ZFP64: variants seen among roughly 807,000 people sequenced by gnomAD.
The protein encoded by ZFP64 is zinc finger protein 64.
Under a neutral mutation model 51.6 loss-of-function variants are expected in ZFP64, and 14 were observed. That is an observed-to-expected ratio of 0.27 (90% CI 0.18 to 0.42). The LOEUF is 0.42. ZFP64 is among the 10% of genes least tolerant of loss of function. The pLI is 1.00. For synonymous variants in ZFP64, 375 were observed against 361.4 expected (o/e 1.04, Z -0.43); for missense variants, 754 against 906.8 (o/e 0.83, Z 2.16).
At chr20:52,189,006 T>G (rs970795162) in intron 1 of ZFP64, among the ~76,000 whole-genome samples, 2 of 152,064 alleles carry the variant, frequency 1.3e-5, no homozygotes, top group Non-Finnish European at 2.9e-5. Flanking sequence ...CTCGTGTTTA[T>G]AAGAAAATTT....
At chr20:52,131,003 T>C (rs1458471268) in intron 5 of ZFP64, among the ~76,000 whole-genome samples, 1 of 151,926 alleles carries the variant, frequency 6.6e-6, no homozygotes, top group Non-Finnish European at 1.5e-5. Context: ...GAGGCAGAGC[T>C]TGCAGTGAGC....
rs1292547681 is a variant in ZFP64, at chr20:52,153,276, T to C, written c.916A>G (p.Ile306Val). 1.9e-6 allele frequency: 3 copies of C among 1,614,118 alleles called. No homozygotes were observed. Among genetic ancestry groups the C allele is most frequent in the Non-Finnish European group, 1.7e-6 (2 of 1,180,044 alleles). The change falls in exon 6 of 6, where the codon ATC (isoleucine) becomes GTC (valine). Residue 306 changes from isoleucine to valine, a missense_variant. Ile to Val is a conservative substitution (Grantham distance 29). Coordinates refer to ENST00000216923, the MANE Select transcript of ZFP64 (RefSeq NM_018197.3). This position sits in a 1 kb window ranked among gnomAD's most constrained non-coding sequence, Gnocchi z 5.1. Reference protein sequence around the residue: ...CTMKGNLKSHIRIKHSGNNFK... With the variant: ...CTMKGNLKSHVRIKHSGNNFK... ...TTATTCCCGCTGTGCTTGATACGGA[T>C]GTGCGACTTGAGGTTCCCCTTCATG...
At chr20:52,174,167 G>A (rs1982982911) in intron 2 of ZFP64, among the ~76,000 whole-genome samples, 1 of 152,144 alleles carries the variant, frequency 6.6e-6, no homozygotes, top group Non-Finnish European at 1.5e-5. Flanking sequence ...ATCAGCTAAA[G>A]GGCTAACCTC....
intron 6 of ZFP64, chr20:52,098,409 C>A: frequency 1.2e-6 from 2 of 1,610,574 alleles, no homozygotes; most frequent in Admixed American, 1.7e-5. Flanking sequence ...GGCTCAGAAG[C>A]GGCTCAGCAC....
rs139498959 is a variant in ZFP64 at position 52,091,851 on chromosome 20, G to A, written c.977-3208C>T. Among the ~76,000 whole-genome samples the A allele has an allele frequency of 2.5e-3, 284 of 112,368 alleles. 7 individuals are homozygous for A. The highest frequency in any genetic ancestry group is 4.8e-3 in the Non-Finnish European group (236 of 48,736). The allele number at this position is 112,368 out of a possible 152,430, so 73.7% of individuals were successfully genotyped here. A position where few individuals can be genotyped will look rare whatever the true frequency, so the allele number is the denominator to read the frequency against. ...AAAAATACAAAAAAATTAGCTAGAC[G>A]TGGTGGCACATGCCTGTAATCCCAG... On this transcript the variant is annotated intron_variant, in intron 7 of 8. Coordinates refer to the ZFP64 transcript ENST00000361387.
intron 1 of ZFP64, among the ~76,000 whole-genome samples, chr20:52,188,880 G>C (rs757190524): frequency 2.0e-5 from 3 of 151,912 alleles, no homozygotes; most frequent in Non-Finnish European, 4.4e-5. Flanking sequence ...AGAGGCTGAG[G>C]CAAGAGAATT....
intron 5 of ZFP64, chr20:52,105,051 G>A: frequency 7.2e-7 from 1 of 1,383,438 alleles, no homozygotes; most frequent in Non-Finnish European, 9.4e-7. Flanking sequence ...CCCCTGCCCG[G>A]TCCTCGTACC....
intron 5 of ZFP64, among the ~76,000 whole-genome samples, chr20:52,109,153 AT>A (rs928763046): frequency 3.1e-3 from 451 of 147,598 alleles, no homozygotes; most frequent in Middle Eastern, 7.2e-3. Flanking sequence ...TTTTTAGAAG[AT>A]TTTTTTTTTT....
intron 4 of ZFP64, 90 bp downstream of exon 4, chr20:52,164,605 A>G: frequency 4.6e-6 from 5 of 1,079,236 alleles, no homozygotes; most frequent in Non-Finnish European, 7.1e-6. Flanking sequence ...TGACGTTTGG[A>G]GTGGTATCAT....
At chr20:52,118,556 A>T (rs1346129718) in intron 5 of ZFP64, among the ~76,000 whole-genome samples, 2 of 152,194 alleles carry the variant, frequency 1.3e-5, no homozygotes, top group African/African-American at 4.8e-5. Context: ...TCCTTATCTT[A>T]TGCCACAGTC....
intron 5 of ZFP64, among the ~76,000 whole-genome samples, chr20:52,144,513 G>A (rs772334827): frequency 1.4e-5 from 2 of 138,584 alleles, no homozygotes; most frequent in African/African-American, 5.4e-5. Flanking sequence ...TCGAGAGGTG[G>A]AGGTTGCAGT....
intron 3 of ZFP64, 88 bp downstream of exon 3, chr20:52,165,776 G>A: frequency 6.5e-7 from 1 of 1,550,036 alleles, no homozygotes; most frequent in Non-Finnish European, 8.9e-7. Context: ...ACATCCATGA[G>A]CAGTTGTCAG....
At chr20:52,104,773 G>T (rs1978294939) in intron 5 of ZFP64, 1 of 563,270 alleles carries the variant, frequency 1.8e-6, no homozygotes, top group Non-Finnish European at 3.5e-6. Context: ...CCTTCCAGGC[G>T]CGCAGCCGAA....
chr20:52,171,851 G>A (rs936328239), intron 2 of ZFP64, among the ~76,000 whole-genome samples: 3 of 151,530 alleles, frequency 2.0e-5, no homozygotes, highest in Non-Finnish European at 4.4e-5. Flanking sequence ...GGGTTCAAGC[G>A]ATTCTCCCGC....
chr20:52,152,416 A>T lies in ZFP64; in HGVS notation c.1776T>A (p.Gly592=). ...LHQTLIPTAS[G]GPQEGSGNQT... The stretch of plus-strand genomic sequence containing the variant: ...GATTGCCAGAGCCTTCCTGGGGGCC[A>T]CCTGAGGCCGTGGGGATGAGAGTCT... The change falls in exon 6 of 6, where the codon GGT becomes GGA. Residue 592 remains glycine (G), a synonymous_variant. Coordinates refer to ENST00000216923, the MANE Select transcript of ZFP64 (RefSeq NM_018197.3). The T allele has an allele frequency of 6.2e-7, 1 of 1,614,158 alleles. No individual in the cohort carries two copies. Among genetic ancestry groups the T allele is most frequent in the Non-Finnish European group, 8.5e-7 (1 of 1,180,022 alleles).
At chr20:52,179,098 G>A (rs1435799083) in intron 2 of ZFP64, among the ~76,000 whole-genome samples, 7 of 152,122 alleles carry the variant, frequency 4.6e-5, no homozygotes, top group Non-Finnish European at 1.0e-4. Context: ...TTATGGGGGT[G>A]GGTCTTTCCT....
At chr20:52,105,240 C>T (rs182821508) in intron 5 of ZFP64, 1 of 1,333,658 alleles carries the variant, frequency 7.5e-7, no homozygotes, top group Non-Finnish European at 9.5e-7. Context: ...CGCGACATGG[C>T]GCGAGGACCG....
intron 1 of ZFP64, among the ~76,000 whole-genome samples, chr20:52,189,560 C>T (rs1418091852): frequency 6.6e-6 from 1 of 151,526 alleles, no homozygotes; most frequent in African/African-American, 2.4e-5. Context: ...ACTGCAACCT[C>T]CGCCTCCTAG....
At position 52,153,270 on chromosome 20, in the gene ZFP64, T is replaced by G. The variant is rs1196664798; in HGVS notation, c.922A>C (p.Ile308Leu). ...TTGAAGTTATTCCCGCTGTGCTTGATACGGATGTGCGACTTGAGGTTCCCC... is the reference window on the plus strand; with the variant it reads ...TTGAAGTTATTCCCGCTGTGCTTGAGACGGATGTGCGACTTGAGGTTCCCC... The part of the protein sequence containing the change: ...MKGNLKSHIR[I>L]KHSGNNFKCP... The change falls in exon 6 of 6, where the codon ATC (isoleucine) becomes CTC (leucine). Residue 308 changes from isoleucine to leucine, a missense_variant. This residue lies in a region of ZFP64 where 231 missense variants were observed against 336.7 expected (regional missense o/e 0.69). Transcript: ENST00000216923. This position sits in a 1 kb window ranked among gnomAD's most constrained non-coding sequence, Gnocchi z 5.1. 1 of 1,614,214 alleles carries G rather than the reference T, an allele frequency of 6.2e-7. No individual in the cohort carries two copies. The highest frequency in any genetic ancestry group is 8.5e-7 in the Non-Finnish European group (1 of 1,180,028).
Sources: allele counts gnomAD v4.1 joint callset (sites outside exome capture counted in the v4.1 genomes callset), GRCh38; gene constraint gnomAD v4.1.1; regional missense constraint gnomAD v4.1.1; non-coding constraint Gnocchi (gnomAD v3.1); transcripts MANE v1.5; gene names NCBI Gene and HGNC (gene_info 2026-07-23, HGNC 2026-07-21).